The following LRIG2 variants were observed in gnomAD, a reference collection of about 807,000 sequenced individuals.
LRIG2 encodes the protein leucine-rich repeats and immunoglobulin-like domains protein 2.
Under a neutral mutation model 107.8 loss-of-function variants are expected in LRIG2, and 93 were observed. The observed-to-expected ratio is 0.86, with a 90% CI of 0.73 to 1.03. The LOEUF is 1.03. Ranked by LOEUF, LRIG2 falls within the 50% of genes least tolerant of loss-of-function variation. The pLI is 0.00. For synonymous variants in LRIG2, 471 were observed against 470.6 expected (o/e 1.00, Z -0.01); for missense variants, 1,226 against 1,296.0 (o/e 0.95, Z 0.83).
At chr1:113,089,676 CT>C (rs35515644) in intron 1 of LRIG2, among the ~76,000 whole-genome samples, 1,334 of 71,606 alleles carry the variant, frequency 0.019, 13 homozygotes, top group African/African-American at 0.063. Flanking sequence ...AGGTGGATTG[CT>C]TTTTTTTTTT....
chr1:113,093,580 T>G lies in LRIG2; in HGVS notation c.515+16T>G. The G allele has an allele frequency of 1.3e-6, 2 of 1,505,754 alleles. No homozygotes were observed. Among genetic ancestry groups the G allele is most frequent in the Non-Finnish European group, 1.8e-6 (2 of 1,115,950 alleles). 93.3% of individuals were successfully genotyped at this position (1,505,754 alleles called of 1,614,324 possible). A position where few individuals can be genotyped will look rare whatever the true frequency, so the allele number is the denominator to read the frequency against. On this transcript the variant is annotated intron_variant, in intron 4 of 17. Transcript: ENST00000361127. ...TTAAATACCTGTAAGTAACACAGAT[T>G]AAATTAGATTTACTTTAAAGCACAT...
intron 11 of LRIG2, chr1:113,100,712 T>C (rs1487664308): frequency 2.5e-6 from 1 of 395,878 alleles, no homozygotes; most frequent in Non-Finnish European, 4.8e-6. Flanking sequence ...TTTTGCCTGT[T>C]CTACCAATGC....
At chr1:113,121,023 G>T (rs1262705115) in intron 17 of LRIG2, among the ~76,000 whole-genome samples, 1 of 151,042 alleles carries the variant, frequency 6.6e-6, no homozygotes, top group Non-Finnish European at 1.5e-5. Flanking sequence ...TCACCATGTT[G>T]TCCAGGCTGG....
In LRIG2 at chr1:113,110,518, A is replaced by G. The variant is rs778713746; in HGVS notation, c.1754A>G (p.His585Arg). 3.7e-6 allele frequency: 6 copies of G among 1,612,464 alleles called. No homozygotes were observed. The highest frequency in any genetic ancestry group is 5.1e-6 in the Non-Finnish European group (6 of 1,178,576). ...EGKYQCIVTN[H>R]FGSNYSQKAK... is the part of the protein sequence containing the mutation. ...AAATATCAGTGTATTGTTACTAATC[A>G]CTTTGGTTCTAATTATTCTCAGAAA... Residue 585 changes from histidine (H) to arginine (R), a missense_variant, in exon 13 of 18, where the codon CAC (histidine) becomes CGC (arginine). This residue lies in a region of LRIG2 where 642 missense variants were observed against 712.2 expected (regional missense o/e 0.90). Transcript: ENST00000361127.
chr1:113,107,113 A>T, intron 11 of LRIG2, among the ~76,000 whole-genome samples: 1 of 152,076 alleles, frequency 6.6e-6, no homozygotes, highest in East Asian at 1.9e-4. Flanking sequence ...TTTTTTGCTG[A>T]CCATTTAAAA....
At chr1:113,075,384 G>A (rs1476620885) in intron 1 of LRIG2, among the ~76,000 whole-genome samples, 2 of 152,210 alleles carry the variant, frequency 1.3e-5, no homozygotes, top group Non-Finnish European at 1.5e-5. Context: ...GCTACCTCAT[G>A]TAGTCATTGA....
chr1:113,079,494 C>G (rs982562231), intron 1 of LRIG2, among the ~76,000 whole-genome samples: 1 of 150,800 alleles, frequency 6.6e-6, no homozygotes, highest in African/African-American at 2.4e-5. Flanking sequence ...ATCAGCCTGG[C>G]TAAGATGGTG....
chr1:113,119,407 A>C lies in LRIG2; in HGVS notation c.2855A>C (p.Gln952Pro), dbSNP rs1210989908. The change falls in exon 17 of 18, where the codon CAG (glutamine) becomes CCG (proline). Residue 952 changes from glutamine to proline, a missense_variant. Physicochemically the swap from Gln to Pro is moderately conservative, Grantham distance 76. Coordinates refer to ENST00000361127, the MANE Select transcript of LRIG2 (RefSeq NM_014813.3). Reference sequence around the variant, plus strand: ...GAGACATATTTAGTACATCCTCCCCAGGATACTACTGCCCTAGAGAGCCTG... The same window carrying C: ...GAGACATATTTAGTACATCCTCCCCCGGATACTACTGCCCTAGAGAGCCTG... ...PKETYLVHPP[Q>P]DTTALESLIP... is the part of the protein sequence containing the mutation. 2.5e-6 allele frequency: 4 copies of C among 1,614,118 alleles called. No individual in the cohort carries two copies. The highest frequency in any genetic ancestry group is 1.6e-4 in the Middle Eastern group (1 of 6,062).
At position 113,099,244 on chromosome 1, in the gene LRIG2, C is replaced by CTTTTTTCTT. The variant is rs1553228729; in HGVS notation, c.1172+465_1172+466insCTTTTTTTT. ...GCCACTGAACTTGGCTGGTTTTTTT[C>CTTTTTTCTT]TTTTTTTTTTTGAGACAGGGTCTTG... On this transcript the variant is annotated intron_variant, in intron 9 of 17. Coordinates refer to ENST00000361127, the MANE Select transcript of LRIG2 (RefSeq NM_014813.3). 3.4e-5 allele frequency among the ~76,000 whole-genome samples: 4 copies of CTTTTTTCTT among 117,942 alleles called. 1 individual carries two copies. The highest frequency in any genetic ancestry group is 2.5e-4 in the East Asian group (1 of 3,990). The allele number at this position is 117,942 out of a possible 152,430, so 77.4% of individuals were successfully genotyped here.
chr1:113,123,877 A>T lies in LRIG2; in HGVS notation c.2974A>T (p.Thr992Ser). The T allele has an allele frequency of 6.2e-7, 1 of 1,613,760 alleles. No individual in the cohort carries two copies. Among genetic ancestry groups the T allele is most frequent in the East Asian group, 2.2e-5 (1 of 44,874 alleles). Reference sequence around the variant, plus strand: ...TAATTCTTGTCTTTCATTCTCAGAAACATTGCAGCGGCCCGTGTGGAACAT... The same window carrying T: ...TAATTCTTGTCTTTCATTCTCAGAATCATTGCAGCGGCCCGTGTGGAACAT... ...KLPSTQMSGETLQRPVWNINR... is the reference protein window; with the variant it reads ...KLPSTQMSGESLQRPVWNINR... The change falls in exon 18 of 18, where the codon ACA (threonine) becomes TCA (serine). Residue 992 changes from threonine (T) to serine (S), a missense_variant and splice_region_variant. By Grantham distance (58) the Thr-to-Ser change is moderately conservative. Transcript: ENST00000361127.
At chr1:113,078,766 G>A (rs1263467586) in intron 1 of LRIG2, among the ~76,000 whole-genome samples, 7 of 150,606 alleles carry the variant, frequency 4.6e-5, no homozygotes, top group Non-Finnish European at 3.0e-5. Context: ...TCAGCCTCCC[G>A]AGTAGCTGGG....
chr1:113,084,004 AT>A (rs1238752815), intron 1 of LRIG2, among the ~76,000 whole-genome samples: 15 of 49,856 alleles, frequency 3.0e-4, no homozygotes, highest in Admixed American at 5.8e-4. Context: ...AAGTATAATA[AT>A]AATAATAATA....
chr1:113,114,835 A>T lies in LRIG2; in HGVS notation c.2489A>T (p.His830Leu). The T allele has an allele frequency of 6.2e-7, 1 of 1,613,442 alleles. No homozygotes were observed. Among genetic ancestry groups the T allele is most frequent in the South Asian group, 1.1e-5 (1 of 91,074 alleles). Residue 830 changes from histidine (H) to leucine (L), a missense_variant, in exon 15 of 18, where the codon CAC becomes CTC. His to Leu is a moderately conservative substitution (Grantham distance 99). This residue lies in a region of LRIG2 where 642 missense variants were observed against 712.2 expected (regional missense o/e 0.90). Coordinates refer to ENST00000361127, the MANE Select transcript of LRIG2 (RefSeq NM_014813.3). Reference sequence around the variant, plus strand: ...TTGATCTGGGTCATTGTTATTTACCACATGAGAAGGAAAAATGAAGACTAT... The same window carrying T: ...TTGATCTGGGTCATTGTTATTTACCTCATGAGAAGGAAAAATGAAGACTAT... ...TSLIWVIVIYHMRRKNEDYSI... is the reference protein window; with the variant it reads ...TSLIWVIVIYLMRRKNEDYSI...
chr1:113,081,615 G>A (rs1242749181), intron 1 of LRIG2, among the ~76,000 whole-genome samples: 2 of 151,962 alleles, frequency 1.3e-5, no homozygotes, highest in African/African-American at 4.8e-5. Flanking sequence ...CTGTCTCCTG[G>A]GTTCAAGCAA....
At position 113,131,690 on chromosome 1, in the gene LRIG2, T is replaced by A. The variant is rs1655705280; in HGVS notation, c.*7589T>A. 1 of 152,142 alleles carries A rather than the reference T, an allele frequency of 6.6e-6. No homozygotes were observed. The allele number at this position is 152,142 out of a possible 1,614,324, so 9.4% of individuals were successfully genotyped here. ...CTTTCTTTTTTGGACAATTGTCTGG[T>A]TCATTGACAAAAGTAACAAGTTTGG... is the stretch of plus-strand genomic sequence containing the variant. On this transcript the variant is annotated 3_prime_UTR_variant, in exon 18 of 18. Coordinates refer to ENST00000361127, the MANE Select transcript of LRIG2 (RefSeq NM_014813.3).
chr1:113,114,349 T>C (rs1654902666), intron 14 of LRIG2, 78 bp from the exon 15 acceptor site: 3 of 816,324 alleles, frequency 3.7e-6, no homozygotes, highest in Non-Finnish European at 5.8e-6. Flanking sequence ...TATACCCCCA[T>C]TGGTCTAATT....
chr1:113,114,587 C>T lies in LRIG2; in HGVS notation c.2241C>T (p.Ala747=). The T allele has an allele frequency of 6.2e-7, 1 of 1,613,974 alleles. No homozygotes were observed. The highest frequency in any genetic ancestry group is 8.5e-7 in the Non-Finnish European group (1 of 1,180,014). The change falls in exon 15 of 18, where the codon GCC becomes GCT. Residue 747 remains alanine, a synonymous_variant. Transcript: ENST00000361127. ...CAGAACGACATTTCTTTGCTGCAGCCAATCAGCTTCTCATCATTGTAGATG... is the reference window on the plus strand; with the variant it reads ...CAGAACGACATTTCTTTGCTGCAGCTAATCAGCTTCTCATCATTGTAGATG... ...LVTERHFFAA[A]NQLLIIVDAG... is the part of the protein sequence containing the mutation.
At chr1:113,083,751 C>T (rs550882307) in intron 1 of LRIG2, among the ~76,000 whole-genome samples, 55 of 150,446 alleles carry the variant, frequency 3.7e-4, no homozygotes, top group African/African-American at 1.3e-3. Flanking sequence ...CGTTCTCAGC[C>T]CCACCTGTAC....
chr1:113,094,300 A>G lies in LRIG2; in HGVS notation c.516-39A>G, dbSNP rs373452700. 3.3e-4 allele frequency: 497 copies of G among 1,520,972 alleles called. 1 individual carries two copies. The highest frequency in any genetic ancestry group is 9.1e-4 in the Middle Eastern group (5 of 5,516). 94.2% of individuals were successfully genotyped at this position (1,520,972 alleles called of 1,614,324 possible). A position where few individuals can be genotyped will look rare whatever the true frequency, so the allele number is the denominator to read the frequency against. On this transcript the variant is annotated intron_variant, in intron 4 of 17. Coordinates refer to ENST00000361127, the MANE Select transcript of LRIG2 (RefSeq NM_014813.3). ...TTTCTAGTGGTAGAATTTTTATTTTACTAAATTTTTTCTTTTGCTATTATC... is the reference window on the plus strand; with the variant it reads ...TTTCTAGTGGTAGAATTTTTATTTTGCTAAATTTTTTCTTTTGCTATTATC...
Sources: allele counts gnomAD v4.1 joint callset (sites outside exome capture counted in the v4.1 genomes callset), GRCh38; gene constraint gnomAD v4.1.1; regional missense constraint gnomAD v4.1.1; transcripts MANE v1.5; gene names NCBI Gene and HGNC (gene_info 2026-07-23, HGNC 2026-07-21).